KLF5: variants seen among roughly 807,000 people sequenced by gnomAD.
The protein encoded by KLF5 is Krueppel-like factor 5.
Under a neutral mutation model 36.9 loss-of-function variants are expected in KLF5, and 9 were observed. The observed-to-expected ratio is 0.24, with a 90% CI of 0.15 to 0.43. KLF5 has a LOEUF of 0.43. Among genes scored for constraint, KLF5 ranks in the 20% least tolerant of loss-of-function variants. The pLI is 1.00. For missense variants in KLF5, 524 were observed against 599.5 expected, an observed-to-expected ratio of 0.87 and a Z score of 1.31; for synonymous variants, 246 against 241.7, an observed-to-expected ratio of 1.02 and a Z score of -0.17.
chr13:73,074,431 T>G (rs535948730), intron 3 of KLF5, among the ~76,000 whole-genome samples: 107 of 152,280 alleles, frequency 7.0e-4, no homozygotes, highest in Admixed American at 1.2e-3. Flanking sequence ...AAAGTATCTA[T>G]ATAAAACTCA....
intron 3 of KLF5, 62 bp from the exon 4 acceptor site, chr13:73,075,646 G>A (rs2044754331): frequency 3.0e-6 from 4 of 1,339,264 alleles, no homozygotes; most frequent in South Asian, 3.2e-5. Context: ...TCCTTCTCCG[G>A]TGTTATCTAG....
intron 1 of KLF5, among the ~76,000 whole-genome samples, chr13:73,060,386 C>T (rs1170188186): frequency 6.6e-6 from 1 of 152,172 alleles, no homozygotes; most frequent in Non-Finnish European, 1.5e-5. Context: ...AACATACCCA[C>T]ATGCAAACAG....
chr13:73,058,112 A>T (rs568107184), upstream of KLF5, among the ~76,000 whole-genome samples: 1 of 152,228 alleles, frequency 6.6e-6, no homozygotes, highest in South Asian at 2.1e-4. Context: ...TTGAACATAC[A>T]GTGCTAGCAA....
upstream of KLF5, among the ~76,000 whole-genome samples, chr13:73,058,362 A>T (rs915288681): frequency 1.3e-5 from 2 of 152,150 alleles, no homozygotes; most frequent in Admixed American, 1.3e-4. Flanking sequence ...ATCTGAAAAA[A>T]CGCTTGCCAT....
upstream of KLF5, chr13:73,054,988 A>C (rs1454150707): frequency 6.6e-6 from 1 of 152,156 alleles, no homozygotes; most frequent in East Asian, 1.9e-4. Context: ...TTTAGCTCAG[A>C]CCTTTCTTTT....
chr13:73,074,009 G>A (rs2044741188), intron 3 of KLF5, among the ~76,000 whole-genome samples: 1 of 152,120 alleles, frequency 6.6e-6, no homozygotes, highest in Non-Finnish European at 1.5e-5. Flanking sequence ...AACCAGAAAG[G>A]GAATTAAAAC....
In KLF5 at chr13:73,076,591, G is replaced by T. The variant is rs1350071472; in HGVS notation, c.*705G>T. 1 of 152,356 alleles carries T rather than the reference G, an allele frequency of 6.6e-6. No homozygotes were observed. The highest frequency in any genetic ancestry group is 2.4e-5 in the African/African-American group (1 of 41,402). 9.4% of individuals were successfully genotyped at this position (152,356 alleles called of 1,614,324 possible). ...ACATTACCAAAATCATTTCTTTAGAGGGAAGGAATAATCATTCAAATGAAC... is the reference window on the plus strand; with the variant it reads ...ACATTACCAAAATCATTTCTTTAGATGGAAGGAATAATCATTCAAATGAAC... On this transcript the variant is annotated 3_prime_UTR_variant, in exon 4 of 4. Coordinates refer to ENST00000377687, the MANE Select transcript of KLF5 (RefSeq NM_001730.5).
chr13:73,066,523 A>C (rs2044681459), intron 3 of KLF5, among the ~76,000 whole-genome samples: 1 of 152,206 alleles, frequency 6.6e-6, no homozygotes, highest in Admixed American at 6.5e-5. Flanking sequence ...TTACAGGCAG[A>C]ATGTGAAGCA....
chr13:73,073,234 T>A (rs958750920), intron 3 of KLF5, among the ~76,000 whole-genome samples: 2 of 152,236 alleles, frequency 1.3e-5, no homozygotes, highest in Admixed American at 6.5e-5. Flanking sequence ...TCCTCTACGA[T>A]GTTTTACTTG....
intron 3 of KLF5, 134 bp from the exon 4 acceptor site, chr13:73,075,574 C>T (rs1306466042): frequency 1.1e-5 from 8 of 701,040 alleles, no homozygotes; most frequent in Admixed American, 4.8e-5. Flanking sequence ...TGTATTTACT[C>T]ATAATGGAAT....
At chr13:73,074,333 T>G (rs1161937548) in intron 3 of KLF5, among the ~76,000 whole-genome samples, 6 of 151,902 alleles carry the variant, frequency 3.9e-5, no homozygotes, top group Admixed American at 3.3e-4. Flanking sequence ...AGTTTCTGTT[T>G]CGTCAGAACT....
At chr13:73,064,647 G>A (rs867342625) in intron 3 of KLF5, among the ~76,000 whole-genome samples, 1 of 152,098 alleles carries the variant, frequency 6.6e-6, no homozygotes. Flanking sequence ...AGGTTCAAGC[G>A]ATTCTCCTGC....
intron 3 of KLF5, among the ~76,000 whole-genome samples, chr13:73,074,070 A>G (rs2044741546): frequency 6.6e-6 from 1 of 152,246 alleles, no homozygotes. Flanking sequence ...AGTATGGCAC[A>G]GCAATCCATA....
intron 1 of KLF5, chr13:73,059,887 T>G (rs2044619518): frequency 2.4e-6 from 2 of 829,278 alleles, no homozygotes; most frequent in Non-Finnish European, 1.5e-6. Flanking sequence ...GTTGTTTTTC[T>G]TACACTTGAG....
chr13:73,075,605 G>A (rs879737166), intron 3 of KLF5, 103 bp from the exon 4 acceptor site: 24 of 985,954 alleles, frequency 2.4e-5, no homozygotes, highest in South Asian at 4.1e-5. Flanking sequence ...TCCTTCTTTC[G>A]CTTGGCCAAG....
chr13:73,062,866 C>A, intron 2 of KLF5, 132 bp downstream of exon 2: 3 of 661,860 alleles, frequency 4.5e-6, no homozygotes, highest in Non-Finnish European at 7.5e-6. Flanking sequence ...GAAAGTTGTA[C>A]TTGACAGTAA....
chr13:73,061,806 C>T, intron 1 of KLF5, 55 bp from the exon 2 acceptor site: 2 of 1,543,354 alleles, frequency 1.3e-6, no homozygotes, highest in Non-Finnish European at 1.8e-6. Context: ...ATTGTTCGTT[C>T]TTCCCGAGAT....
intron 2 of KLF5, among the ~76,000 whole-genome samples, 168 bp from the exon 3 acceptor site, chr13:73,063,656 A>G (rs549798477): frequency 6.6e-6 from 1 of 152,350 alleles, no homozygotes; most frequent in African/African-American, 2.4e-5. Context: ...CATGCCTTTA[A>G]TAAGGTAATG....
intron 1 of KLF5, chr13:73,060,463 A>T (rs1369099347): frequency 1.3e-5 from 2 of 152,256 alleles, no homozygotes; most frequent in African/African-American, 4.8e-5. Flanking sequence ...GGTTTAGTTC[A>T]GTTTATTTCA....
Sources: gnomAD v4.1 joint callset for allele counts (sites outside exome capture counted in the v4.1 genomes callset) on GRCh38, gnomAD v4.1.1 for gene constraint, MANE v1.5 for transcripts, NCBI Gene and HGNC (gene_info 2026-07-23, HGNC 2026-07-21) for gene names.